Variants in R3HDM1 observed in about 807,000 individuals in gnomAD.
R3HDM1 encodes the protein R3H domain containing 1.
In R3HDM1, 46 loss-of-function variants were observed where a neutral mutation model predicts 141.1. That is an observed-to-expected ratio of 0.33 (90% CI 0.26 to 0.42). The LOEUF (loss-of-function observed/expected upper bound fraction) is 0.42, where lower values mean the gene tolerates loss of function less well. Among genes scored for constraint, R3HDM1 ranks in the 10% least tolerant of loss-of-function variants. R3HDM1 has a pLI of 1.00. For missense variants in R3HDM1, 1,184 were observed against 1,368.3 expected, an observed-to-expected ratio of 0.87 and a Z score of 2.12; for synonymous variants, 435 against 472.9, an observed-to-expected ratio of 0.92 and a Z score of 1.04.
chr2:135,693,621 A>T (rs1178126846), intron 21 of R3HDM1, among the ~76,000 whole-genome samples: 1 of 152,246 alleles, frequency 6.6e-6, no homozygotes, highest in Non-Finnish European at 1.5e-5. Flanking sequence ...CAGATGGTTC[A>T]TGAAGTATTA....
chr2:135,648,361 G>A (rs530317039), intron 16 of R3HDM1, among the ~76,000 whole-genome samples: 89 of 152,178 alleles, frequency 5.8e-4, no homozygotes, highest in African/African-American at 1.6e-3. Context: ...ATCTATCTAT[G>A]ATGTCATAGA....
chr2:135,575,838 T>G (rs1036739376), intron 1 of R3HDM1, among the ~76,000 whole-genome samples: 4 of 152,230 alleles, frequency 2.6e-5, no homozygotes, highest in Non-Finnish European at 4.4e-5. Flanking sequence ...AATTAATGCA[T>G]TCACAGTAAA....
chr2:135,573,810 G>A (rs183401410), intron 1 of R3HDM1, among the ~76,000 whole-genome samples: 8 of 152,164 alleles, frequency 5.3e-5, no homozygotes. Context: ...ATAATTGGCA[G>A]GACTTTGCTA....
At chr2:135,659,069 G>GTGTGTGTGTGTA (rs1319587924) in intron 18 of R3HDM1, among the ~76,000 whole-genome samples, 64 of 148,548 alleles carry the variant, frequency 4.3e-4, no homozygotes, top group South Asian at 1.6e-3. Context: ...GTGTGTGTGT[G>GTGTGTGTGTGTA]TGTGTGTGTG....
At chr2:135,592,514 T>C (rs1398500979) in intron 1 of R3HDM1, among the ~76,000 whole-genome samples, 1 of 152,158 alleles carries the variant, frequency 6.6e-6, no homozygotes. Context: ...TTTGAAAGAA[T>C]GAATGATTTT....
chr2:135,590,304 G>C lies in R3HDM1; in HGVS notation c.-249-12196G>C, dbSNP rs1708959449. ...TGATTACTAGGCACATCAGATGTCA[G>C]ACTTCAGCTTGGGGTCACTAGAGAG... On this transcript the variant is annotated intron_variant, in intron 1 of 26. Coordinates refer to ENST00000683871, the MANE Select transcript of R3HDM1 (RefSeq NM_001378107.1). Among the ~76,000 whole-genome samples the C allele has an allele frequency of 3.9e-5, 6 of 152,118 alleles. No individual in the cohort carries two copies. In the South Asian group the frequency reaches 1.0e-3, roughly 26 times the overall value.
At chr2:135,715,773 A>G (rs2076100013) in intron 24 of R3HDM1, 79 bp downstream of exon 24, 1 of 1,497,436 alleles carries the variant, frequency 6.7e-7, no homozygotes, top group South Asian at 1.3e-5. Flanking sequence ...TTATCTTGGT[A>G]ATATTGCCTT....
chr2:135,629,336 A>G (rs1238616615), intron 7 of R3HDM1, among the ~76,000 whole-genome samples: 1 of 152,074 alleles, frequency 6.6e-6, no homozygotes, highest in African/African-American at 2.4e-5. Flanking sequence ...ACAAACAAAC[A>G]AAACTTGGGT....
intron 1 of R3HDM1, among the ~76,000 whole-genome samples, chr2:135,580,586 A>C (rs1399037726): frequency 2.0e-5 from 3 of 152,184 alleles, no homozygotes; most frequent in African/African-American, 7.2e-5. Flanking sequence ...CTTTAAGTGA[A>C]AAATCTGTAC....
chr2:135,587,822 T>A (rs556657769), intron 1 of R3HDM1, among the ~76,000 whole-genome samples: 4 of 152,066 alleles, frequency 2.6e-5, no homozygotes, highest in Non-Finnish European at 4.4e-5. Context: ...TTGCCCTCCC[T>A]CTCTTTTTCT....
intron 20 of R3HDM1, among the ~76,000 whole-genome samples, chr2:135,677,823 C>T (rs150428165): frequency 6.6e-6 from 1 of 152,112 alleles, no homozygotes; most frequent in African/African-American, 2.4e-5. Context: ...CCAGAAAAGT[C>T]ATCTGTCCTA....
At chr2:135,712,086 G>A (rs2075712337) in intron 23 of R3HDM1, among the ~76,000 whole-genome samples, 1 of 151,880 alleles carries the variant, frequency 6.6e-6, no homozygotes, top group Non-Finnish European at 1.5e-5. Context: ...AAGCCAGGGC[G>A]ATCACAGTTG....
intron 1 of R3HDM1, among the ~76,000 whole-genome samples, chr2:135,548,513 A>T (rs1699208179): frequency 6.6e-6 from 1 of 152,114 alleles, no homozygotes; most frequent in Non-Finnish European, 1.5e-5. Context: ...CAACCCATAC[A>T]TCCATTGAGA....
intron 1 of R3HDM1, among the ~76,000 whole-genome samples, chr2:135,555,008 A>G (rs1029381968): frequency 2.0e-5 from 3 of 152,190 alleles, no homozygotes; most frequent in Admixed American, 2.0e-4. Flanking sequence ...TAGTAAACTT[A>G]AAAGTAAAAT....
intron 24 of R3HDM1, among the ~76,000 whole-genome samples, chr2:135,717,152 A>G (rs2076245058): frequency 6.6e-6 from 1 of 152,186 alleles, no homozygotes; most frequent in African/African-American, 2.4e-5. Context: ...TAGAATGGCT[A>G]TAATCAAAAA....
rs373107142 is a variant in R3HDM1 at position 135,673,232 on chromosome 2, T to C, written c.2153-2100T>C. Among the ~76,000 whole-genome samples, 148 of 152,302 alleles carry C rather than the reference T, an allele frequency of 9.7e-4. 5 individuals are homozygous for C. The South Asian group carries it at 0.028, about 29-fold the overall frequency. ...GGAGGCTAAGGTGGGGAGGATTCATTGAGATGAGGAGCTCGAGGGTACAGT... is the reference window on the plus strand; with the variant it reads ...GGAGGCTAAGGTGGGGAGGATTCATCGAGATGAGGAGCTCGAGGGTACAGT... On this transcript the variant is annotated intron_variant, in intron 19 of 26. Coordinates refer to ENST00000683871, the MANE Select transcript of R3HDM1 (RefSeq NM_001378107.1).
intron 23 of R3HDM1, among the ~76,000 whole-genome samples, chr2:135,713,711 G>T (rs1262303456): frequency 6.6e-6 from 1 of 152,116 alleles, no homozygotes; most frequent in Non-Finnish European, 1.5e-5. Context: ...AGGAACTAGG[G>T]CTCCTTAGAA....
At chr2:135,583,677 A>G in intron 1 of R3HDM1, 1 of 938,450 alleles carries the variant, frequency 1.1e-6, no homozygotes, top group Non-Finnish European at 1.3e-6. Flanking sequence ...GGCTATAGTA[A>G]TCATTTGCTC....
chr2:135,713,896 GAATAA>G (rs1487224615), intron 23 of R3HDM1, among the ~76,000 whole-genome samples: 3 of 151,998 alleles, frequency 2.0e-5, no homozygotes, highest in Non-Finnish European at 1.5e-5. Context: ...ATCATCCATA[GAATAA>G]AATAAGAATT....
Sources: allele counts gnomAD v4.1 joint callset (sites outside exome capture counted in the v4.1 genomes callset), GRCh38; gene constraint gnomAD v4.1.1; transcripts MANE v1.5; gene names NCBI Gene and HGNC (gene_info 2026-07-23, HGNC 2026-07-21).